SLIT3: variants seen among roughly 807,000 people sequenced by gnomAD.
SLIT3 encodes the protein slit guidance ligand 3.
Under a neutral mutation model 184.0 loss-of-function variants are expected in SLIT3, and 68 were observed. The ratio of observed to expected loss-of-function variants is 0.37; its 90% CI spans 0.30 to 0.45. The LOEUF is 0.45. Ranked by LOEUF, SLIT3 falls within the 20% of genes least tolerant of loss-of-function variation. The pLI, the probability that SLIT3 is intolerant of heterozygous loss-of-function variation, is 1.00. For missense variants in SLIT3, 1,707 were observed against 2,026.0 expected (o/e 0.84, Z 3.02); for synonymous variants, 831 against 828.6 (o/e 1.00, Z -0.05).
intron 4 of SLIT3, among the ~76,000 whole-genome samples, chr5:169,131,906 G>T (rs1034767194): frequency 6.6e-6 from 1 of 152,108 alleles, no homozygotes; most frequent in Non-Finnish European, 1.5e-5. Context: ...CTAGAGAGAG[G>T]GCACTTCACA....
intron 5 of SLIT3, among the ~76,000 whole-genome samples, chr5:168,848,697 A>G (rs1454402227): frequency 6.6e-6 from 1 of 152,160 alleles, no homozygotes; most frequent in African/African-American, 2.4e-5. Flanking sequence ...ACTCCCCGAG[A>G]GCAGCTTTCT....
chr5:169,042,791 G>A (rs1023008852), intron 4 of SLIT3, among the ~76,000 whole-genome samples: 5 of 152,042 alleles, frequency 3.3e-5, no homozygotes, highest in African/African-American at 1.2e-4. Flanking sequence ...GCTGGGCTTG[G>A]GATTCTGAAC....
intron 4 of SLIT3, among the ~76,000 whole-genome samples, chr5:169,004,922 A>G (rs1755857895): frequency 6.6e-6 from 1 of 152,170 alleles, no homozygotes; most frequent in Non-Finnish European, 1.5e-5. Context: ...ACTGTGAAAA[A>G]TAAGTGTCTG....
chr5:168,949,962 C>T (rs769714297), intron 4 of SLIT3, among the ~76,000 whole-genome samples: 2 of 152,144 alleles, frequency 1.3e-5, no homozygotes, highest in African/African-American at 2.4e-5. Context: ...GTTAAAATTA[C>T]CCTTGAAAGT....
At chr5:168,918,226 T>C (rs1022677622) in intron 4 of SLIT3, among the ~76,000 whole-genome samples, 1 of 152,172 alleles carries the variant, frequency 6.6e-6, no homozygotes. Context: ...TGAAATCAGG[T>C]AATGACAGGG....
chr5:169,141,609 G>A (rs1761743339), intron 4 of SLIT3, among the ~76,000 whole-genome samples: 1 of 151,458 alleles, frequency 6.6e-6, no homozygotes, highest in Non-Finnish European at 1.5e-5. Context: ...CGTGGTGGCG[G>A]GTGCCTGTAG....
At position 168,695,438 on chromosome 5, in the gene SLIT3, G is replaced by C. The variant is rs371102193; in HGVS notation, c.3082+854C>G. 7.9e-5 allele frequency among the ~76,000 whole-genome samples: 12 copies of C among 152,248 alleles called. No individual in the cohort carries two copies. The South Asian group carries it at 2.5e-3, about 32-fold the overall frequency. ...TTTGGAACCTCTAATATGCTTATTT[G>C]TATCATGGTACACCAAGAAGAAGGT... On this transcript the variant is annotated intron_variant, in intron 28 of 35. Coordinates refer to ENST00000519560, the MANE Select transcript of SLIT3 (RefSeq NM_003062.4).
At chr5:169,009,148 C>T (rs1756045545) in intron 4 of SLIT3, among the ~76,000 whole-genome samples, 1 of 152,074 alleles carries the variant, frequency 6.6e-6, no homozygotes, top group African/African-American at 2.4e-5. Flanking sequence ...TATCTTAGAG[C>T]ACAAAGCAAG....
chr5:169,231,267 T>A (rs1764991851), intron 3 of SLIT3, among the ~76,000 whole-genome samples: 1 of 152,174 alleles, frequency 6.6e-6, no homozygotes, highest in South Asian at 2.1e-4. Flanking sequence ...TTGTACAGCC[T>A]GAAGCATGTT....
At chr5:168,937,557 G>C (rs545296593) in intron 4 of SLIT3, among the ~76,000 whole-genome samples, 1 of 152,238 alleles carries the variant, frequency 6.6e-6, no homozygotes, top group South Asian at 2.1e-4. Flanking sequence ...TTGGGGTAAG[G>C]GGGAGTTGGA....
intron 4 of SLIT3, among the ~76,000 whole-genome samples, chr5:169,141,569 G>T (rs921263657): frequency 6.6e-6 from 1 of 150,568 alleles, no homozygotes; most frequent in Non-Finnish European, 1.5e-5. Context: ...GAAACCCTGT[G>T]TCTACTAAAA....
At position 168,666,546 on chromosome 5, in the gene SLIT3, G is replaced by A. The variant is rs747463537; in HGVS notation, c.4480C>T (p.Arg1494Trp). 2.0e-5 allele frequency: 32 copies of A among 1,613,694 alleles called. No individual in the cohort carries two copies. The highest frequency in any genetic ancestry group is 3.4e-4 in the Middle Eastern group (2 of 5,946). ...PQCCQPTRSK[R>W]RKYVFQCTDG... is the part of the protein sequence containing the mutation. Reference sequence around the variant, plus strand: ...GTGCACTGGAAGACGTATTTCCGCCGCTTGCTGCGGGTGGGCTGGCAGCAC... The same window carrying A: ...GTGCACTGGAAGACGTATTTCCGCCACTTGCTGCGGGTGGGCTGGCAGCAC... The change falls in exon 36 of 36, where the codon CGG becomes TGG. Residue 1494 changes from arginine (R) to tryptophan (W), a missense_variant. This residue lies in a region of SLIT3 where 387 missense variants were observed against 477.9 expected (regional missense o/e 0.81). Coordinates refer to ENST00000519560, the MANE Select transcript of SLIT3 (RefSeq NM_003062.4).
intron 17 of SLIT3, 118 bp downstream of exon 17, chr5:168,753,746 G>T: frequency 8.4e-7 from 1 of 1,186,856 alleles, no homozygotes; most frequent in South Asian, 1.5e-5. Flanking sequence ...CAGGAAGAGA[G>T]GGATTCAGCA....
intron 4 of SLIT3, among the ~76,000 whole-genome samples, chr5:168,890,003 C>T (rs528506980): frequency 3.8e-4 from 57 of 151,946 alleles, no homozygotes; most frequent in African/African-American, 1.3e-3. Flanking sequence ...ATTAGCCAGG[C>T]GTGGTGGTGG....
At chr5:169,079,637 AAGAGGAGGAGGAGGG>A in intron 4 of SLIT3, among the ~76,000 whole-genome samples, 1 of 40,786 alleles carries the variant, frequency 2.5e-5, no homozygotes, top group African/African-American at 9.8e-5. Flanking sequence ...AGGAGGAGGG[AAGAGGAGGAGGAGGG>A]AAGAGGAGGA....
intron 4 of SLIT3, among the ~76,000 whole-genome samples, chr5:169,083,553 C>T (rs552902875): frequency 1.2e-4 from 18 of 152,308 alleles, no homozygotes; most frequent in Admixed American, 9.8e-4. Flanking sequence ...GGAAATTGTC[C>T]CTGTGATCTC....
rs567459726 is a variant in SLIT3 at position 169,121,987 on chromosome 5, G to A, written c.413+71492C>T. Among the ~76,000 whole-genome samples, 391 of 152,300 alleles carry A rather than the reference G, an allele frequency of 2.6e-3. 2 individuals carry two copies. The highest frequency in any genetic ancestry group is 8.9e-3 in the African/African-American group (371 of 41,568). ...ATAAGCTGCCCTGGGACACTCACTCGGTTTACCAAATGGTAGCTCCTTTTA... is the reference window on the plus strand; with the variant it reads ...ATAAGCTGCCCTGGGACACTCACTCAGTTTACCAAATGGTAGCTCCTTTTA... On this transcript the variant is annotated intron_variant, in intron 4 of 35. Coordinates refer to ENST00000519560, the MANE Select transcript of SLIT3 (RefSeq NM_003062.4).
intron 4 of SLIT3, among the ~76,000 whole-genome samples, chr5:168,958,612 A>T (rs1259268609): frequency 2.0e-5 from 3 of 152,222 alleles, no homozygotes; most frequent in African/African-American, 7.2e-5. Flanking sequence ...TCACCATATG[A>T]CACTTCCACC....
At chr5:169,064,152 A>C (rs2113104060) in intron 4 of SLIT3, among the ~76,000 whole-genome samples, 1 of 152,308 alleles carries the variant, frequency 6.6e-6, no homozygotes, top group Middle Eastern at 3.4e-3. Flanking sequence ...TCCTTTAAAC[A>C]GATAAACAGA....
Sources: allele counts gnomAD v4.1 joint callset (sites outside exome capture counted in the v4.1 genomes callset), GRCh38; gene constraint gnomAD v4.1.1; regional missense constraint gnomAD v4.1.1; transcripts MANE v1.5; gene names NCBI Gene and HGNC (gene_info 2026-07-23, HGNC 2026-07-21).